Variants in CFTR observed in about 807,000 individuals in gnomAD.
CFTR encodes the protein cystic fibrosis transmembrane conductance regulator.
A neutral mutation model predicts 171.6 loss-of-function variants in CFTR; 181 were observed. The ratio of observed to expected loss-of-function variants is 1.05; its 90% CI spans 0.93 to 1.19. The LOEUF (loss-of-function observed/expected upper bound fraction) is 1.19, where lower values mean the gene tolerates loss of function less well. Among genes scored for constraint, CFTR ranks in the 50% most tolerant of loss-of-function variants. CFTR has a pLI of 0.00. For synonymous variants in CFTR, 583 were observed against 608.0 expected (o/e 0.96, Z 0.60); for missense variants, 1,968 against 1,734.7 (o/e 1.13, Z -2.39).
intron 3 of CFTR, among the ~76,000 whole-genome samples, chr7:117,529,219 A>G (rs1381978571): frequency 1.0e-5 from 1 of 98,088 alleles, no homozygotes; most frequent in Non-Finnish European, 1.8e-5. Flanking sequence ...CTTTGTAGAG[A>G]CATGGATGAA....
chr7:117,550,690 T>C lies in CFTR; in HGVS notation c.1392+1867T>C, dbSNP rs1056342973. Among the ~76,000 whole-genome samples the C allele has an allele frequency of 2.0e-5, 3 of 152,296 alleles. No homozygotes were observed. The East Asian group carries it at 5.8e-4, about 29-fold the overall frequency. On this transcript the variant is annotated intron_variant, in intron 10 of 26. Transcript: ENST00000003084. ...CAATTCTATGATAGATGTGCAAAAA[T>C]AGCTTTGGAATTACAAATTCCAAGA...
At chr7:117,657,933 A>G (rs1793209383) in intron 24 of CFTR, among the ~76,000 whole-genome samples, 1 of 152,194 alleles carries the variant, frequency 6.6e-6, no homozygotes, top group African/African-American at 2.4e-5. Flanking sequence ...ACTGTATCTC[A>G]TGAAGCCATG....
Position 117,665,565 on chromosome 7 carries a change from G to T in CFTR, c.4242+1G>T, listed in dbSNP as rs372227120. 1.3e-6 allele frequency: 2 copies of T among 1,589,424 alleles called. No homozygotes were observed. The highest frequency in any genetic ancestry group is 1.7e-6 in the Non-Finnish European group (2 of 1,157,900). On this transcript the variant is annotated splice_donor_variant, in intron 26 of 26. Transcript: ENST00000003084. LOFTEE classifies it high-confidence loss of function. Reference sequence around the variant, plus strand: ...AATGCTGGAATGCCAACAATTTTTGGTGAGTCTTTATAACTTTACTTAAGA... The same window carrying T: ...AATGCTGGAATGCCAACAATTTTTGTTGAGTCTTTATAACTTTACTTAAGA...
At chr7:117,496,902 TTTTTTTTCTTTTTC>T (rs1798249558) in intron 1 of CFTR, among the ~76,000 whole-genome samples, 1 of 152,112 alleles carries the variant, frequency 6.6e-6, no homozygotes, top group African/African-American at 2.4e-5. Context: ...ATTGTGAGTT[TTTTTTTTCTTTTTC>T]TTTTTTTCTT....
chr7:117,578,157 G>A (rs532731723), intron 11 of CFTR, among the ~76,000 whole-genome samples: 2 of 151,792 alleles, frequency 1.3e-5, no homozygotes, highest in South Asian at 4.2e-4. Flanking sequence ...TGAACAACAC[G>A]GGTTTGAACT....
chr7:117,568,547 A>G (rs1562901344), intron 11 of CFTR, among the ~76,000 whole-genome samples: 1 of 152,204 alleles, frequency 6.6e-6, no homozygotes, highest in Non-Finnish European at 1.5e-5. Context: ...AAAGATGTCA[A>G]AGATGATGCC....
chr7:117,594,289 G>T (rs1388629894), intron 14 of CFTR, among the ~76,000 whole-genome samples: 1 of 152,092 alleles, frequency 6.6e-6, no homozygotes, highest in Admixed American at 6.5e-5. Flanking sequence ...GAGTTTTGTT[G>T]ATTTTGTGAG....
chr7:117,525,819 G>A (rs1798767002), intron 3 of CFTR, among the ~76,000 whole-genome samples: 5 of 140,986 alleles, frequency 3.5e-5, no homozygotes, highest in East Asian at 2.0e-4. Flanking sequence ...ACACTGATGG[G>A]TCTTGACTCT....
chr7:117,566,144 G>T (rs1431254287), intron 11 of CFTR, among the ~76,000 whole-genome samples: 1 of 151,874 alleles, frequency 6.6e-6, no homozygotes, highest in African/African-American at 2.4e-5. Context: ...TCTGAAACAG[G>T]TATTTGAGGC....
At chr7:117,516,003 T>TTGGAACCA (rs1209924456) in intron 3 of CFTR, among the ~76,000 whole-genome samples, 2 of 152,178 alleles carry the variant, frequency 1.3e-5, no homozygotes, top group Non-Finnish European at 2.9e-5. Context: ...TTGTGAAATT[T>TTGGAACCA]TGGAACCAAA....
chr7:117,649,007 A>G lies in CFTR; in HGVS notation c.3874-3835A>G, dbSNP rs185265439. On this transcript the variant is annotated intron_variant, in intron 23 of 26. Coordinates refer to ENST00000003084, the MANE Select transcript of CFTR (RefSeq NM_000492.4). The stretch of plus-strand genomic sequence containing the variant: ...TGGTATCAAATTCACCACACTTAAA[A>G]CTTTGGGATGTCTAATTTCAACCAA... Among the ~76,000 whole-genome samples, 501 of 152,002 alleles carry G rather than the reference A, an allele frequency of 3.3e-3. 5 individuals are homozygous for G. Among genetic ancestry groups the G allele is most frequent in the African/African-American group, 0.012 (485 of 41,466 alleles).
chr7:117,498,745 A>G (rs1473755405), intron 1 of CFTR, among the ~76,000 whole-genome samples: 1 of 152,106 alleles, frequency 6.6e-6, no homozygotes, highest in Non-Finnish European at 1.5e-5. Context: ...GCTGTGCTCT[A>G]GAAGTTTGGG....
chr7:117,536,871 G>A (rs1422631609), intron 7 of CFTR, among the ~76,000 whole-genome samples, 198 bp downstream of exon 7: 1 of 152,058 alleles, frequency 6.6e-6, no homozygotes, highest in Non-Finnish European at 1.5e-5. Flanking sequence ...TTGGTCCAGG[G>A]TGTTATTTTA....
chr7:117,630,515 A>G (rs576190919), intron 22 of CFTR, among the ~76,000 whole-genome samples: 2 of 152,314 alleles, frequency 1.3e-5, no homozygotes, highest in Admixed American at 1.3e-4. Flanking sequence ...TTGAAGCATG[A>G]GTAGAGCAGG....
intron 20 of CFTR, among the ~76,000 whole-genome samples, chr7:117,612,028 TATATATATATATATATATATATATAC>T (rs1315339133): frequency 9.8e-5 from 7 of 71,374 alleles, no homozygotes; most frequent in African/African-American, 3.7e-4. Flanking sequence ...TATATGTATA[TATATATATATATATATATATATATAC>T]ATATATATAT....
At chr7:117,517,168 A>G (rs927942694) in intron 3 of CFTR, among the ~76,000 whole-genome samples, 1 of 152,114 alleles carries the variant, frequency 6.6e-6, no homozygotes, top group Non-Finnish European at 1.5e-5. Context: ...TCAGCCCATC[A>G]TCTACATTAG....
chr7:117,566,774 A>G (rs1390447620), intron 11 of CFTR, among the ~76,000 whole-genome samples: 1 of 152,226 alleles, frequency 6.6e-6, no homozygotes, highest in Admixed American at 6.5e-5. Context: ...TGAACTGGTC[A>G]TTAAATCCTC....
At chr7:117,542,574 TAAA>T (rs1246041590) in intron 9 of CFTR, among the ~76,000 whole-genome samples, 1 of 151,894 alleles carries the variant, frequency 6.6e-6, no homozygotes, top group African/African-American at 2.4e-5. Flanking sequence ...AAAATAAAAA[TAAA>T]AAGAAGTGGA....
chr7:117,564,254 G>C (rs1287197898), intron 11 of CFTR, among the ~76,000 whole-genome samples: 1 of 152,188 alleles, frequency 6.6e-6, no homozygotes, highest in Non-Finnish European at 1.5e-5. Context: ...ATGATTACAT[G>C]ACAGCACGTG....
Sources: allele counts gnomAD v4.1 joint callset (sites outside exome capture counted in the v4.1 genomes callset), GRCh38; gene constraint gnomAD v4.1.1; transcripts MANE v1.5; gene names NCBI Gene and HGNC (gene_info 2026-07-23, HGNC 2026-07-21).